The following LAMA5 variants were observed in gnomAD, a reference collection of about 807,000 sequenced individuals.
LAMA5 encodes laminin subunit alpha 5.
Under a neutral mutation model 433.4 loss-of-function variants are expected in LAMA5, and 260 were observed. The ratio of observed to expected loss-of-function variants is 0.60; its 90% CI spans 0.54 to 0.66. LAMA5 has a LOEUF of 0.66. Ranked by LOEUF, LAMA5 falls within the 30% of genes least tolerant of loss-of-function variation. LAMA5 has a pLI of 0.00. For synonymous variants in LAMA5, 2,620 were observed against 2,226.6 expected, an observed-to-expected ratio of 1.18 and a Z score of -4.97; for missense variants, 5,378 against 5,258.5, an observed-to-expected ratio of 1.02 and a Z score of -0.70.
Position 62,333,697 on chromosome 20 carries a change from T to C in LAMA5, c.2888A>G (p.Gln963Arg). The C allele has an allele frequency of 6.3e-7, 1 of 1,591,366 alleles. No homozygotes were observed. The highest frequency in any genetic ancestry group is 8.5e-7 in the Non-Finnish European group (1 of 1,170,610). ...GGGTGGGAAGGCCACGGGCTGACTC[T>C]GTGCTGTGCCTGGGCGGGGGCAGGG... is the stretch of plus-strand genomic sequence containing the variant. ...RSATCANCTA[Q>R]SQPVAFPPST... Residue 963 changes from glutamine (Q) to arginine (R), a missense_variant, in exon 24 of 80, where the codon CAG becomes CGG. By Grantham distance (43) the Gln-to-Arg change is conservative. Transcript: ENST00000252999.
Position 62,366,962 on chromosome 20 carries a change from T to C in LAMA5, c.284A>G (p.Asn95Ser), listed in dbSNP as rs575354316. ...CCCTGCGCTCACCCGGATGGTCTGGTTGGGGTCGCCGCCGGCCACGGGGCC... is the reference window on the plus strand; with the variant it reads ...CCCTGCGCTCACCCGGATGGTCTGGCTGGGGTCGCCGCCGGCCACGGGGCC... ...VGGPVAGGDP[N>S]QTIRGQYCDI... Residue 95 changes from asparagine to serine, a missense_variant, in exon 1 of 80, where the codon AAC becomes AGC. Physicochemically the swap from Asn to Ser is conservative, Grantham distance 46 (BLOSUM62 1). Coordinates refer to ENST00000252999, the MANE Select transcript of LAMA5 (RefSeq NM_005560.6). The C allele has an allele frequency of 1.6e-6, 2 of 1,270,626 alleles. No individual in the cohort carries two copies. Among genetic ancestry groups the C allele is most frequent in the Non-Finnish European group, 2.0e-6 (2 of 1,009,404 alleles). 78.7% of individuals were successfully genotyped at this position (1,270,626 alleles called of 1,614,324 possible). A position where few individuals can be genotyped will look rare whatever the true frequency, so the allele number is the denominator to read the frequency against.
Position 62,332,399 on chromosome 20 carries a change from G to A in LAMA5, c.3525C>T (p.Leu1175=), listed in dbSNP as rs754385412. Residue 1175 remains leucine (L), a synonymous_variant, in exon 28 of 80, where the codon CTC becomes CTT. Transcript: ENST00000252999. The part of the protein sequence containing the change: ...FHLDSEASVR[L]TAEQARFFLH... ...GGAAGAAGCGTGCCTGTTCGGCTGT[G>A]AGCCTCACGCTGGCCTCCGAGTCCA... 16 of 1,612,562 alleles carry A rather than the reference G, an allele frequency of 9.9e-6. No individual in the cohort carries two copies. Among genetic ancestry groups the A allele is most frequent in the Non-Finnish European group, 1.3e-5 (15 of 1,179,846 alleles).
intron 58 of LAMA5, among the ~76,000 whole-genome samples, chr20:62,315,681 C>A (rs763166290): frequency 5.3e-5 from 8 of 152,178 alleles, no homozygotes; most frequent in Non-Finnish European, 1.0e-4. Flanking sequence ...GCCCCAATCC[C>A]CCCCAAGGCC....
At position 62,315,226 on chromosome 20, in the gene LAMA5, AG is replaced by A; in HGVS notation, c.7868-20del. 1 of 1,586,826 alleles carries A rather than the reference AG, an allele frequency of 6.3e-7. No homozygotes were observed. Among genetic ancestry groups the A allele is most frequent in the Non-Finnish European group, 8.6e-7 (1 of 1,165,524 alleles). On this transcript the variant is annotated intron_variant, in intron 58 of 79. Coordinates refer to ENST00000252999, the MANE Select transcript of LAMA5 (RefSeq NM_005560.6). ...GTCTCGTCTGTGGTGGGCAGAGGGCAGGCTCAGCAGGGGCCAGCGGGGACCA... is the reference window on the plus strand; with the variant it reads ...GTCTCGTCTGTGGTGGGCAGAGGGCAGCTCAGCAGGGGCCAGCGGGGACCA...
chr20:62,365,076 C>T (rs182983929), intron 1 of LAMA5, among the ~76,000 whole-genome samples: 3 of 152,400 alleles, frequency 2.0e-5, no homozygotes, highest in East Asian at 3.9e-4. Context: ...GTCCAGCTCA[C>T]GTCTACCAGC....
chr20:62,354,007 C>T (rs1364949278), intron 2 of LAMA5, among the ~76,000 whole-genome samples: 2 of 152,100 alleles, frequency 1.3e-5, no homozygotes, highest in African/African-American at 4.8e-5. Flanking sequence ...GCAGCCCTGC[C>T]CAGGGCAGAG....
At chr20:62,365,678 G>T (rs1378506925) in intron 1 of LAMA5, among the ~76,000 whole-genome samples, 1 of 152,144 alleles carries the variant, frequency 6.6e-6, no homozygotes, top group Non-Finnish European at 1.5e-5. Flanking sequence ...CAGATAAGGG[G>T]GCAGCCAGGA....
In LAMA5 at chr20:62,327,699, G is replaced by A. The variant is rs759872614; in HGVS notation, c.4798-30C>T. 275 of 1,604,398 alleles carry A rather than the reference G, an allele frequency of 1.7e-4. 1 individual carries two copies. Among genetic ancestry groups the A allele is most frequent in the Non-Finnish European group, 2.0e-4 (230 of 1,173,212 alleles). On this transcript the variant is annotated intron_variant, in intron 36 of 79. Transcript: ENST00000252999. The stretch of plus-strand genomic sequence containing the variant: ...GGATGAGAGGACAGTGAGAGTGGTC[G>A]GCAGGTGCCAGGTGCCTGACCCCGG...
At position 62,319,784 on chromosome 20, in the gene LAMA5, G is replaced by A. The variant is rs35294553; in HGVS notation, c.6771C>T (p.Thr2257=). Residue 2257 remains threonine (T), a synonymous_variant, in exon 51 of 80, where the codon ACC becomes ACT. Transcript: ENST00000252999. ...CCAGCAATTGGCTCGCCTGGTCTCG[G>A]GTCCCCACGGCCTGTGGAGGAAGAG... ...ARRLGGQAVG[T]RDQASQLLAG... The A allele has an allele frequency of 0.012, 19,128 of 1,546,120 alleles. 161 individuals are homozygous for A. The highest frequency in any genetic ancestry group is 0.033 in the Middle Eastern group (192 of 5,890).
At chr20:62,347,586 G>A (rs1018036469) in intron 6 of LAMA5, among the ~76,000 whole-genome samples, 11 of 152,238 alleles carry the variant, frequency 7.2e-5, no homozygotes, top group African/African-American at 1.4e-4. Context: ...GCCAAGAACT[G>A]CTTCCTTCTT....
At chr20:62,334,989 C>A in intron 20 of LAMA5, 32 bp downstream of exon 20, 1 of 1,592,532 alleles carries the variant, frequency 6.3e-7, no homozygotes, top group Non-Finnish European at 8.6e-7. Flanking sequence ...GGAGGCAGGG[C>A]TGTGGTCTGG....
intron 32 of LAMA5, 46 bp downstream of exon 32, chr20:62,329,731 G>A (rs950084396): frequency 1.4e-5 from 22 of 1,606,642 alleles, no homozygotes; most frequent in Non-Finnish European, 1.8e-5. Context: ...GTAATGACAA[G>A]TATAAGGACA....
intron 2 of LAMA5, among the ~76,000 whole-genome samples, chr20:62,357,514 C>A (rs924464865): frequency 6.6e-6 from 1 of 152,158 alleles, no homozygotes; most frequent in Non-Finnish European, 1.5e-5. Flanking sequence ...GGGCGGCAGC[C>A]GGGAGCATCT....
At chr20:62,312,348 G>T in intron 68 of LAMA5, 32 bp from the exon 69 acceptor site, 2 of 1,603,458 alleles carry the variant, frequency 1.2e-6, no homozygotes, top group Non-Finnish European at 1.7e-6. Context: ...GTGCCCGCGG[G>T]TGCCCCTGCA....
chr20:62,354,971 G>C (rs1056408088), intron 2 of LAMA5, among the ~76,000 whole-genome samples: 14 of 152,340 alleles, frequency 9.2e-5, no homozygotes, highest in South Asian at 4.1e-4. Context: ...TGCCGGGGGA[G>C]AGAGGCAACT....
chr20:62,319,673 C>T lies in LAMA5; in HGVS notation c.6871+11G>A, dbSNP rs1465531571. On this transcript the variant is annotated intron_variant, in intron 51 of 79. Coordinates refer to ENST00000252999, the MANE Select transcript of LAMA5 (RefSeq NM_005560.6). ...GCTCTGAGCCCTGAGCCTGGCTGGG[C>T]TGGCCCCTACCGCTCAGGGTGCGGT... 3 of 1,529,478 alleles carry T rather than the reference C, an allele frequency of 2.0e-6. No homozygotes were observed. Among genetic ancestry groups the T allele is most frequent in the Admixed American group, 2.0e-5 (1 of 50,810 alleles). 94.7% of individuals were successfully genotyped at this position (1,529,478 alleles called of 1,614,324 possible). A position where few individuals can be genotyped will look rare whatever the true frequency, so the allele number is the denominator to read the frequency against.
At chr20:62,355,946 C>T (rs951989573) in intron 2 of LAMA5, among the ~76,000 whole-genome samples, 17 of 152,326 alleles carry the variant, frequency 1.1e-4, no homozygotes, top group African/African-American at 3.6e-4. Context: ...CCCTGGGAGC[C>T]GCCCCCGCTG....
At chr20:62,321,084 T>G in intron 48 of LAMA5, among the ~76,000 whole-genome samples, 194 bp from the exon 49 acceptor site, 1 of 131,446 alleles carries the variant, frequency 7.6e-6, no homozygotes, top group African/African-American at 3.1e-5. Flanking sequence ...CAGATGGGAG[T>G]GAAGGGCATG....
In LAMA5 at chr20:62,329,897, G is replaced by A; in HGVS notation, c.3999C>T (p.Phe1333=). 1 of 1,612,032 alleles carries A rather than the reference G, an allele frequency of 6.2e-7. No homozygotes were observed. The highest frequency in any genetic ancestry group is 1.3e-5 in the African/African-American group (1 of 75,050). The change falls in exon 32 of 80, where the codon TTC becomes TTT. Residue 1333 remains phenylalanine, a synonymous_variant. Coordinates refer to ENST00000252999, the MANE Select transcript of LAMA5 (RefSeq NM_005560.6). ...RVWQGHANAS[F]CPHGYGCRTL... Reference sequence around the variant, plus strand: ...TGCGGCAGCCGTAGCCATGTGGACAGAAGCTGGCGTTGGCGTGGCCTGGGC... The same window carrying A: ...TGCGGCAGCCGTAGCCATGTGGACAAAAGCTGGCGTTGGCGTGGCCTGGGC...
Sources: allele counts gnomAD v4.1 joint callset (sites outside exome capture counted in the v4.1 genomes callset), GRCh38; gene constraint gnomAD v4.1.1; transcripts MANE v1.5; gene names NCBI Gene and HGNC (gene_info 2026-07-23, HGNC 2026-07-21).